NCAPH2: variants seen among roughly 807,000 people sequenced by gnomAD.
The protein encoded by NCAPH2 is non-SMC condensin II complex subunit H2, also known as condensin-2 complex subunit H2.
A neutral mutation model predicts 88.6 loss-of-function variants in NCAPH2; 56 were observed. The ratio of observed to expected loss-of-function variants is 0.63; its 90% CI spans 0.51 to 0.79. NCAPH2 has a LOEUF of 0.79. NCAPH2 is among the 30% of genes least tolerant of loss of function. The pLI is 0.00. For synonymous variants in NCAPH2, 378 were observed against 313.6 expected (o/e 1.21, Z -2.17); for missense variants, 794 against 792.0 (o/e 1.00, Z -0.03).
chr22:50,517,187 G>A (rs546059703), intron 2 of NCAPH2, among the ~76,000 whole-genome samples: 11 of 152,358 alleles, frequency 7.2e-5, no homozygotes, highest in South Asian at 2.1e-4. Context: ...GGCCACGCTC[G>A]CGGCTGCGTG....
At position 50,523,228 on chromosome 22, in the gene NCAPH2, C is replaced by G; in HGVS notation, c.1678-7C>G. Reference sequence around the variant, plus strand: ...CCCCAGACCCTGCTGATGTGCCACCCCTGCAGGCCAATGACTACACAGTGG... The same window carrying G: ...CCCCAGACCCTGCTGATGTGCCACCGCTGCAGGCCAATGACTACACAGTGG... On this transcript the variant is annotated splice_region_variant and splice_polypyrimidine_tract_variant and intron_variant, in intron 19 of 19. Coordinates refer to ENST00000420993, the MANE Select transcript of NCAPH2 (RefSeq NM_152299.4). The G allele has an allele frequency of 2.5e-6, 4 of 1,613,300 alleles. No homozygotes were observed. The highest frequency in any genetic ancestry group is 1.1e-5 in the South Asian group (1 of 90,944).
At chr22:50,512,543 G>GTTT (rs139798817) in intron 1 of NCAPH2, among the ~76,000 whole-genome samples, 20 of 132,940 alleles carry the variant, frequency 1.5e-4, no homozygotes, top group African/African-American at 1.6e-4. Flanking sequence ...TTTGTCCTTT[G>GTTT]TTTTTTTTTT....
intron 9 of NCAPH2, among the ~76,000 whole-genome samples, chr22:50,520,025 C>T (rs1453112242): frequency 6.6e-6 from 1 of 152,060 alleles, no homozygotes; most frequent in East Asian, 1.9e-4. Flanking sequence ...CGCCCGCCAC[C>T]ATGCCTGGCT....
Position 50,524,240 on chromosome 22 carries a change from G to C in NCAPH2, c.*865G>C, listed in dbSNP as rs745534256. The C allele has an allele frequency of 4.4e-6, 7 of 1,606,320 alleles. No individual in the cohort carries two copies. Among genetic ancestry groups the C allele is most frequent in the Non-Finnish European group, 5.1e-6 (6 of 1,179,852 alleles). ...AGGCCTGTGATCAGCAGCCGGGTTCGAAGCCCAGGGCCCTGGGGCTGGCCC... is the reference window on the plus strand; with the variant it reads ...AGGCCTGTGATCAGCAGCCGGGTTCCAAGCCCAGGGCCCTGGGGCTGGCCC... On this transcript the variant is annotated 3_prime_UTR_variant, in exon 20 of 20. Transcript: ENST00000420993.
At chr22:50,514,141 A>C (rs131820) in intron 1 of NCAPH2, among the ~76,000 whole-genome samples, 208 of 151,998 alleles carry the variant, frequency 1.4e-3, no homozygotes, top group African/African-American at 4.8e-3. Context: ...AGAAGGTTCC[A>C]AGTTGGGACC....
chr22:50,514,106 CAAACAAAACA>C (rs568739989), intron 1 of NCAPH2, among the ~76,000 whole-genome samples: 2 of 152,030 alleles, frequency 1.3e-5, no homozygotes, highest in Non-Finnish European at 2.9e-5. Context: ...GACTCCGTCT[CAAACAAAACA>C]AAACAAAACA....
rs746544378 is a variant in NCAPH2, at chr22:50,519,271, C to T, written c.812C>T (p.Ser271Leu). 1.0e-5 allele frequency: 16 copies of T among 1,606,974 alleles called. No homozygotes were observed. The East Asian group carries it at 2.0e-4, about 20-fold the overall frequency. ...GAGGCAGTAGAGCTTCCTGAGGCCTCGGCCCCCAAGGCCGCTCTGGAGCCC... is the reference window on the plus strand; with the variant it reads ...GAGGCAGTAGAGCTTCCTGAGGCCTTGGCCCCCAAGGCCGCTCTGGAGCCC... ...AEEAVELPEA[S>L]APKAALEPKE... Residue 271 changes from serine to leucine, a missense_variant, in exon 9 of 20, where the codon TCG (serine) becomes TTG (leucine). Ser to Leu is a moderately radical substitution (Grantham distance 145). Coordinates refer to ENST00000420993, the MANE Select transcript of NCAPH2 (RefSeq NM_152299.4).
chr22:50,515,875 G>T, intron 1 of NCAPH2: 1 of 1,112,752 alleles, frequency 9.0e-7, no homozygotes, highest in Non-Finnish European at 1.2e-6. Flanking sequence ...GTCGGGTTGG[G>T]TTTGGGGCTC....
rs759067436 is a variant in NCAPH2 at position 50,517,494 on chromosome 22, A to G, written c.266+12A>G. 8.1e-6 allele frequency: 13 copies of G among 1,613,924 alleles called. No individual in the cohort carries two copies. The highest frequency in any genetic ancestry group is 1.7e-5 in the Admixed American group (1 of 60,004). On this transcript the variant is annotated intron_variant, in intron 3 of 19. Transcript: ENST00000420993. ...ATCTCTGGAAAGAGGTGAGTTCTGC[A>G]GCCACTCACTGTGCTGCCCTGCATG...
chr22:50,523,755 G>C lies in NCAPH2; in HGVS notation c.*380G>C. The C allele has an allele frequency of 6.2e-7, 1 of 1,614,208 alleles. No individual in the cohort carries two copies. The highest frequency in any genetic ancestry group is 8.5e-7 in the Non-Finnish European group (1 of 1,180,030). ...TGGCAATGGAGTGGTCCACGATGTA[G>C]TCCTGGTCCTCATCCTTGGGGCCTG... On this transcript the variant is annotated 3_prime_UTR_variant, in exon 20 of 20. Coordinates refer to ENST00000420993, the MANE Select transcript of NCAPH2 (RefSeq NM_152299.4).
At chr22:50,515,372 G>C (rs1381861757) in intron 1 of NCAPH2, among the ~76,000 whole-genome samples, 1 of 152,194 alleles carries the variant, frequency 6.6e-6, no homozygotes, top group Admixed American at 6.5e-5. Flanking sequence ...ACCAACCTGG[G>C]CAACATAGAG....
In NCAPH2 at chr22:50,522,700, G is replaced by A. The variant is rs758212416; in HGVS notation, c.1405G>A (p.Glu469Lys). The A allele has an allele frequency of 7.4e-6, 12 of 1,613,582 alleles. No individual in the cohort carries two copies. Among genetic ancestry groups the A allele is most frequent in the Non-Finnish European group, 2.5e-6 (3 of 1,180,012 alleles). The change falls in exon 17 of 20, where the codon GAG (glutamate) becomes AAG (lysine). Residue 469 changes from glutamate to lysine, a missense_variant. By Grantham distance (56) the Glu-to-Lys change is moderately conservative. Around this residue, in one of 2 missense-constraint regions of NCAPH2, gnomAD observed 735 missense variants for 696.3 expected, o/e 1.06. Coordinates refer to ENST00000420993, the MANE Select transcript of NCAPH2 (RefSeq NM_152299.4). ...DAVPMSLSYE[E>K]LVRRNVELFI... ...AGTGCCGATGTCCCTGAGCTACGAG[G>A]AGCTGGTTCGAAGGAATGTGGTAGG... is the stretch of plus-strand genomic sequence containing the variant.
rs145267080 is a variant in NCAPH2, at chr22:50,523,092, T to C, written c.1603T>C (p.Cys535Arg). ...VSRFPQLNEW[C>R]PFAELVAGQP... ...ACGGTTCCCCCAGCTCAATGAGTGG[T>C]GTCCCTTTGCGGAGCTGGTGGCTGG... The change falls in exon 19 of 20, where the codon TGT (cysteine) becomes CGT (arginine). Residue 535 changes from cysteine to arginine, a missense_variant. Cys to Arg is a radical substitution (Grantham distance 180). Around this residue, in one of 2 missense-constraint regions of NCAPH2, gnomAD observed 735 missense variants for 696.3 expected, o/e 1.06. Transcript: ENST00000420993. 5.3e-5 allele frequency: 86 copies of C among 1,613,064 alleles called. No individual in the cohort carries two copies. The African/African-American group carries it at 1.1e-3, about 20-fold the overall frequency.
In NCAPH2 at chr22:50,512,263, T is replaced by C. The variant is rs1408497688; in HGVS notation, c.108+3818T>C. Among the ~76,000 whole-genome samples, 2 of 152,240 alleles carry C rather than the reference T, an allele frequency of 1.3e-5. 1 individual carries two copies. Among genetic ancestry groups the C allele is most frequent in the Non-Finnish European group, 2.9e-5 (2 of 68,044 alleles). On this transcript the variant is annotated intron_variant, in intron 1 of 19. Coordinates refer to ENST00000420993, the MANE Select transcript of NCAPH2 (RefSeq NM_152299.4). ...GCACATGTGATCTGATGACCAAACT[T>C]CTCTGCTCTCATGCATAGTTGGCTG... is the stretch of plus-strand genomic sequence containing the variant.
In NCAPH2 at chr22:50,522,262, G is replaced by A; in HGVS notation, c.1233+11G>A. ...CTGCAGAGGAGGGAGGCAAGTCCCA[G>A]CTGGTCAGCTGTGATCTAGGACCCC... On this transcript the variant is annotated intron_variant, in intron 14 of 19. Transcript: ENST00000420993. 6.2e-7 allele frequency: 1 copy of A among 1,612,886 alleles called. No individual in the cohort carries two copies. Among genetic ancestry groups the A allele is most frequent in the Non-Finnish European group, 8.5e-7 (1 of 1,179,444 alleles).
rs1317113961 is a variant in NCAPH2 at position 50,523,002 on chromosome 22, C to T, written c.1528-15C>T. 6.2e-6 allele frequency: 10 copies of T among 1,605,484 alleles called. No homozygotes were observed. The Admixed American group carries it at 1.7e-4, about 27-fold the overall frequency. ...TTGCCTCTCTCCGCAGCCAACATGCCCCTCCCCTGTGCAGGAGCAGCATGT... is the reference window on the plus strand; with the variant it reads ...TTGCCTCTCTCCGCAGCCAACATGCTCCTCCCCTGTGCAGGAGCAGCATGT... On this transcript the variant is annotated splice_polypyrimidine_tract_variant and intron_variant, in intron 18 of 19. Transcript: ENST00000420993.
chr22:50,512,644 A>C (rs1364793596), intron 1 of NCAPH2, among the ~76,000 whole-genome samples: 1 of 146,882 alleles, frequency 6.8e-6, no homozygotes, highest in African/African-American at 2.5e-5. Flanking sequence ...TCGATCTCCC[A>C]GGCTCAAGTG....
intron 1 of NCAPH2, among the ~76,000 whole-genome samples, chr22:50,513,696 G>C (rs2068845441): frequency 6.6e-6 from 1 of 152,278 alleles, no homozygotes; most frequent in African/African-American, 2.4e-5. Flanking sequence ...TGGGAGGCAG[G>C]GGTTGCAGTG....
chr22:50,517,989 C>A lies in NCAPH2; in HGVS notation c.437C>A (p.Pro146His). 3.1e-6 allele frequency: 5 copies of A among 1,613,828 alleles called. No homozygotes were observed. Among genetic ancestry groups the A allele is most frequent in the Non-Finnish European group, 4.2e-6 (5 of 1,179,852 alleles). ...DQTPSEVLII[P>H]LLPMALVAPD... ...TCCATGCAGGAGGTCCTCATCATCC[C>A]CCTCCTGCCCATGGCCCTGGTGGCC... Residue 146 changes from proline (P) to histidine (H), a missense_variant, in exon 6 of 20, where the codon CCC becomes CAC. Coordinates refer to ENST00000420993, the MANE Select transcript of NCAPH2 (RefSeq NM_152299.4).
Sources: gnomAD v4.1 joint callset for allele counts (sites outside exome capture counted in the v4.1 genomes callset) on GRCh38, gnomAD v4.1.1 for gene constraint, gnomAD v4.1.1 regional missense constraint, MANE v1.5 for transcripts, NCBI Gene and HGNC (gene_info 2026-07-23, HGNC 2026-07-21) for gene names.